Variants in BCL6 observed in about 807,000 individuals in gnomAD.
BCL6 encodes BCL6 transcription repressor, also known as B-cell lymphoma 6 protein.
In BCL6, 7 loss-of-function variants were observed where a neutral mutation model predicts 59.5. The ratio of observed to expected loss-of-function variants is 0.12; its 90% CI spans 0.07 to 0.22. The LOEUF is 0.22. Ranked by LOEUF, BCL6 falls within the 10% of genes least tolerant of loss-of-function variation. The pLI is 1.00. For missense variants in BCL6, 685 were observed against 939.4 expected (o/e 0.73, Z 3.54); for synonymous variants, 339 against 349.7 (o/e 0.97, Z 0.34).
In BCL6 at chr3:187,721,803, TCTTA is replaced by T. The variant is rs1279676630; in HGVS notation, c.*651_*654del. On this transcript the variant is annotated 3_prime_UTR_variant, in exon 10 of 10. Transcript: ENST00000406870. This position sits in a 1 kb window ranked among gnomAD's most constrained non-coding sequence, Gnocchi z 4.2. ...CTGAGGCATTTTAGACAAAATATTT[TCTTA>T]CTTATACAGATGCAATACTTAAAAT... The T allele has an allele frequency of 3.5e-5, 8 of 230,810 alleles. No individual in the cohort carries two copies. The highest frequency in any genetic ancestry group is 5.2e-5 in the Non-Finnish European group (6 of 116,458). The allele number at this position is 230,810 out of a possible 1,614,324, so 14.3% of individuals were successfully genotyped here.
At position 187,725,201 on chromosome 3, in the gene BCL6, G is replaced by C; in HGVS notation, c.1840-123C>G. On this transcript the variant is annotated intron_variant, in intron 8 of 9. Coordinates refer to ENST00000406870, the MANE Select transcript of BCL6 (RefSeq NM_001706.5). The surrounding 1 kb of genome is among the most constrained non-coding windows in gnomAD (Gnocchi z 4.7). ...AGGCCACTCTGCTCACCTGCACACA[G>C]GGACTGAGTGGGCCTTTCTGCTGCC... 1 of 1,411,440 alleles carries C rather than the reference G, an allele frequency of 7.1e-7. No individual in the cohort carries two copies. Among genetic ancestry groups the C allele is most frequent in the Non-Finnish European group, 9.7e-7 (1 of 1,028,164 alleles). The allele number at this position is 1,411,440 out of a possible 1,614,324, so 87.4% of individuals were successfully genotyped here.
chr3:187,744,851 A>C (rs570619895), intron 1 of BCL6, among the ~76,000 whole-genome samples: 18 of 152,130 alleles, frequency 1.2e-4, no homozygotes, highest in Middle Eastern at 3.4e-3. Flanking sequence ...GAGGGAAAAA[A>C]CACAGCCGCA....
intron 1 of BCL6, among the ~76,000 whole-genome samples, chr3:187,739,858 G>C (rs1711528673): frequency 6.6e-6 from 1 of 152,188 alleles, no homozygotes; most frequent in Non-Finnish European, 1.5e-5. Context: ...AATCCGATCT[G>C]GAAAGAAGTC....
At chr3:187,734,466 T>C (rs1232360247) in intron 2 of BCL6, 1 of 152,298 alleles carries the variant, frequency 6.6e-6, no homozygotes, top group Non-Finnish European at 1.5e-5. Context: ...CCTATGTGGT[T>C]ATAAAAGTTA....
At chr3:187,742,178 T>C (rs1158654927) in intron 1 of BCL6, among the ~76,000 whole-genome samples, 4 of 152,186 alleles carry the variant, frequency 2.6e-5, no homozygotes, top group African/African-American at 9.7e-5. Context: ...CTTTTGCCAA[T>C]AGTTTCACCC....
intron 1 of BCL6, among the ~76,000 whole-genome samples, chr3:187,744,143 T>G (rs1054755737): frequency 6.6e-6 from 1 of 151,846 alleles, no homozygotes; most frequent in Non-Finnish European, 1.5e-5. Flanking sequence ...AAAATAAAAT[T>G]TAGGAAAGGG....
Position 187,726,731 on chromosome 3 carries a change from C to T in BCL6, c.1708G>A (p.Gly570Ser), listed in dbSNP as rs2108559314. Residue 570 changes from glycine (G) to serine (S), a missense_variant and splice_region_variant, in exon 7 of 10, where the codon GGT becomes AGT. Transcript: ENST00000406870. ...NLASHKTVHT[G>S]EKPYRCNICG... Reference sequence around the variant, plus strand: ...CGGGTCGTGTGGGGCAGGGCCATACCGGTATGGACGGTCTTGTGGCTGGCG... The same window carrying T: ...CGGGTCGTGTGGGGCAGGGCCATACTGGTATGGACGGTCTTGTGGCTGGCG... 1.2e-6 allele frequency: 2 copies of T among 1,613,766 alleles called. No individual in the cohort carries two copies. The highest frequency in any genetic ancestry group is 1.7e-6 in the Non-Finnish European group (2 of 1,179,878).
At position 187,729,444 on chromosome 3, in the gene BCL6, C is replaced by T. The variant is rs1231829175; in HGVS notation, c.961G>A (p.Ala321Thr). Residue 321 changes from alanine (A) to threonine (T), a missense_variant, in exon 5 of 10, where the codon GCA (alanine) becomes ACA (threonine). Around this residue, in one of 7 missense-constraint regions of BCL6, gnomAD observed 268 missense variants for 263.8 expected, o/e 1.02. Coordinates refer to ENST00000406870, the MANE Select transcript of BCL6 (RefSeq NM_001706.5). The surrounding 1 kb of genome is among the most constrained non-coding windows in gnomAD (Gnocchi z 5.6). Reference sequence around the variant, plus strand: ...ACCAGACCCTTCCGGTTCAGGGGTGCATTGGGGGGCTCGAAATGCAGGGCA... The same window carrying T: ...ACCAGACCCTTCCGGTTCAGGGGTGTATTGGGGGGCTCGAAATGCAGGGCA... ...EIALHFEPPN[A>T]PLNRKGLVSP... 15 of 1,609,592 alleles carry T rather than the reference C, an allele frequency of 9.3e-6. No individual in the cohort carries two copies. The highest frequency in any genetic ancestry group is 1.3e-5 in the Non-Finnish European group (15 of 1,177,548).
chr3:187,744,789 A>G (rs1711821323), intron 1 of BCL6, among the ~76,000 whole-genome samples: 1 of 149,700 alleles, frequency 6.7e-6, no homozygotes, highest in African/African-American at 2.4e-5. Flanking sequence ...GGAGGGAGGG[A>G]AGCGGAGGCC....
intron 7 of BCL6, 150 bp downstream of exon 7, chr3:187,726,581 G>C (rs1298334413): frequency 1.8e-6 from 2 of 1,089,242 alleles, no homozygotes; most frequent in East Asian, 2.5e-5. Flanking sequence ...AGACAAGACA[G>C]GGTTAGACCC....
chr3:187,742,295 G>C (rs1326052289), intron 1 of BCL6, among the ~76,000 whole-genome samples: 1 of 152,110 alleles, frequency 6.6e-6, no homozygotes, highest in African/African-American at 2.4e-5. Context: ...GGAAGGAAGG[G>C]TTTTGACATC....
chr3:187,724,997 G>T lies in BCL6; in HGVS notation c.1921C>A (p.His641Asn). Residue 641 changes from histidine (H) to asparagine (N), a missense_variant, in exon 9 of 10, where the codon CAC becomes AAC. Coordinates refer to ENST00000406870, the MANE Select transcript of BCL6 (RefSeq NM_001706.5). ...PCEICGTRFR[H>N]LQTLKSHLRI... ...AGGTGGCTCTTCAGAGTCTGAAGGT[G>T]CCGGAAACGGGTGCCACAGATTTCA... 6.2e-7 allele frequency: 1 copy of T among 1,614,212 alleles called. No individual in the cohort carries two copies. The highest frequency in any genetic ancestry group is 8.5e-7 in the Non-Finnish European group (1 of 1,180,034).
At chr3:187,726,613 C>T in intron 7 of BCL6, 118 bp downstream of exon 7, 2 of 1,421,270 alleles carry the variant, frequency 1.4e-6, no homozygotes, top group African/African-American at 1.4e-5. Flanking sequence ...CAGGATGGGG[C>T]CTGCCTCCTG....
At position 187,722,351 on chromosome 3, in the gene BCL6, G is replaced by A; in HGVS notation, c.*107C>T. The A allele has an allele frequency of 1.3e-6, 1 of 759,840 alleles. No homozygotes were observed. The highest frequency in any genetic ancestry group is 1.7e-6 in the Non-Finnish European group (1 of 576,520). 47.1% of individuals were successfully genotyped at this position (759,840 alleles called of 1,614,324 possible). ...ACCCCCAGCTATGATTTGCACTAGT[G>A]GATGAAAGAGGCACTACATCATGGG... On this transcript the variant is annotated 3_prime_UTR_variant, in exon 10 of 10. Transcript: ENST00000406870.
intron 9 of BCL6, chr3:187,724,604 A>G (rs1057438333): frequency 7.2e-6 from 2 of 276,222 alleles, no homozygotes; most frequent in East Asian, 7.6e-5. Context: ...GAGGCAATCA[A>G]TAAGTATTTG....
At chr3:187,731,152 C>T (rs889462098) in intron 4 of BCL6, among the ~76,000 whole-genome samples, 3 of 152,140 alleles carry the variant, frequency 2.0e-5, no homozygotes, top group African/African-American at 4.8e-5. Context: ...ACTCAGTGAA[C>T]TCCATTCAAT....
chr3:187,737,347 C>CAGAGAGAGAG (rs67618905), intron 1 of BCL6: 152 of 68,440 alleles, frequency 2.2e-3, no homozygotes, highest in African/African-American at 6.3e-3. Flanking sequence ...GCAGAAACGA[C>CAGAGAGAGAG]AGAGAGAGAG....
At chr3:187,739,803 G>A (rs527974183) in intron 1 of BCL6, among the ~76,000 whole-genome samples, 9 of 152,264 alleles carry the variant, frequency 5.9e-5, no homozygotes, top group African/African-American at 1.9e-4. Context: ...AGGCTGGCGG[G>A]GGAGGGGAGA....
At chr3:187,726,397 CTTTT>C (rs1215581928) in intron 7 of BCL6, among the ~76,000 whole-genome samples, 1 of 152,046 alleles carries the variant, frequency 6.6e-6, no homozygotes, top group Non-Finnish European at 1.5e-5. Flanking sequence ...AATCAACAGG[CTTTT>C]TTTTCTGGCT....
Sources: gnomAD v4.1 joint callset for allele counts (sites outside exome capture counted in the v4.1 genomes callset) on GRCh38, gnomAD v4.1.1 for gene constraint, gnomAD v4.1.1 regional missense constraint, Gnocchi (gnomAD v3.1) non-coding constraint, MANE v1.5 for transcripts, NCBI Gene and HGNC (gene_info 2026-07-23, HGNC 2026-07-21) for gene names.